The following CUX1 variants were observed in gnomAD, a reference collection of about 807,000 sequenced individuals.
The protein encoded by CUX1 is cut like homeobox 1, also known as protein CASP.
A neutral mutation model predicts 158.8 loss-of-function variants in CUX1; 31 were observed. The observed-to-expected ratio is 0.20, with a 90% CI of 0.15 to 0.26. The LOEUF is 0.26. CUX1 is among the 10% of genes least tolerant of loss of function. CUX1 has a pLI of 1.00. For synonymous variants in CUX1, 879 were observed against 862.1 expected (o/e 1.02, Z -0.34); for missense variants, 1,589 against 2,014.6 (o/e 0.79, Z 4.04).
At chr7:101,960,187 T>C (rs1033880277) in intron 2 of CUX1, 3 of 152,240 alleles carry the variant, frequency 2.0e-5, no homozygotes, top group Non-Finnish European at 2.9e-5. Context: ...TTTTAGCTTT[T>C]GCAGCAAGGT....
chr7:102,197,343 C>T (rs373650818), intron 15 of CUX1, 38 bp downstream of exon 15: 10 of 1,594,850 alleles, frequency 6.3e-6, no homozygotes, highest in Non-Finnish European at 7.7e-6. Context: ...GCGTGCGAGC[C>T]CGTCACAGAG....
chr7:102,279,510 GA>G (rs1791891805), intron 18 of CUX1, among the ~76,000 whole-genome samples: 1 of 152,102 alleles, frequency 6.6e-6, no homozygotes, highest in Non-Finnish European at 1.5e-5. Flanking sequence ...CCCGTGCCAG[GA>G]AACCCTTTCT....
At chr7:102,137,601 A>T (rs141567108) in intron 8 of CUX1, among the ~76,000 whole-genome samples, 15 of 152,230 alleles carry the variant, frequency 9.9e-5, no homozygotes, top group African/African-American at 3.6e-4. Flanking sequence ...GCACCGCTGC[A>T]CTCCAGCCTG....
At chr7:102,131,563 T>TA (rs1369379284) in intron 8 of CUX1, among the ~76,000 whole-genome samples, 6 of 151,820 alleles carry the variant, frequency 4.0e-5, no homozygotes, top group Non-Finnish European at 5.9e-5. Flanking sequence ...ACAGAGTCTT[T>TA]AGTAAATGGT....
chr7:102,006,944 A>C (rs921639649), intron 2 of CUX1, among the ~76,000 whole-genome samples: 1 of 152,164 alleles, frequency 6.6e-6, no homozygotes, highest in Non-Finnish European at 1.5e-5. Flanking sequence ...TTCCCACACA[A>C]AAGTGTATTT....
intron 16 of CUX1, 73 bp from the exon 17 acceptor site, chr7:102,199,998 T>C: frequency 7.7e-7 from 1 of 1,303,038 alleles, no homozygotes; most frequent in Non-Finnish European, 1.1e-6. Context: ...TATATCAGAA[T>C]GACGTCTTCG....
chr7:101,917,195 C>T (rs1303903901), intron 2 of CUX1, among the ~76,000 whole-genome samples: 1 of 152,232 alleles, frequency 6.6e-6, no homozygotes, highest in African/African-American at 2.4e-5. Context: ...AGATGCCCCT[C>T]TCTTACTTAC....
Position 102,193,678 on chromosome 7 carries a change from G to T in CUX1, c.1077-164G>T, listed in dbSNP as rs560033543. 2.0e-5 allele frequency among the ~76,000 whole-genome samples: 3 copies of T among 152,314 alleles called. No homozygotes were observed. In the East Asian group the frequency reaches 5.8e-4, roughly 29 times the overall value. On this transcript the variant is annotated intron_variant, in intron 12 of 23. Transcript: ENST00000292535. ...AAATTAGCTGGGCATGATGGCACATGCCTGTAATCCCAGCTACTCGGGAGG... is the reference window on the plus strand; with the variant it reads ...AAATTAGCTGGGCATGATGGCACATTCCTGTAATCCCAGCTACTCGGGAGG...
intron 2 of CUX1, among the ~76,000 whole-genome samples, chr7:102,022,816 C>T (rs1204153637): frequency 6.6e-6 from 1 of 152,078 alleles, no homozygotes; most frequent in East Asian, 1.9e-4. Flanking sequence ...TTGCTTTTTG[C>T]CCAATAGATG....
intron 6 of CUX1, among the ~76,000 whole-genome samples, chr7:102,109,020 C>T (rs1022851507): frequency 2.6e-5 from 4 of 152,162 alleles, no homozygotes; most frequent in Non-Finnish European, 5.9e-5. Flanking sequence ...TCCCAAACTG[C>T]TGGGATTACA....
At chr7:102,055,176 T>G (rs552040837) in intron 3 of CUX1, among the ~76,000 whole-genome samples, 16 of 152,214 alleles carry the variant, frequency 1.1e-4, no homozygotes, top group Non-Finnish European at 1.8e-4. Context: ...TATTCGTAAG[T>G]ATTTTATACT....
chr7:102,210,128 G>A (rs190893182), intron 20 of CUX1, among the ~76,000 whole-genome samples: 15 of 152,014 alleles, frequency 9.9e-5, no homozygotes, highest in Admixed American at 2.0e-4. Flanking sequence ...ATGGAGTCTC[G>A]TTCTGTCACC....
chr7:102,037,538 G>C (rs1397330107), intron 3 of CUX1, among the ~76,000 whole-genome samples: 1 of 151,430 alleles, frequency 6.6e-6, no homozygotes, highest in Non-Finnish European at 1.5e-5. Flanking sequence ...TTTTAGTAGA[G>C]ACAGGGTTTC....
rs1365212799 is a variant in CUX1 at position 102,250,987 on chromosome 7, T to C, written c.*1945T>C. Reference sequence around the variant, plus strand: ...GTATATATATATATTTTTTTTTGCTTATTTATAGGTGCTGTATTTTATTAT... The same window carrying C: ...GTATATATATATATTTTTTTTTGCTCATTTATAGGTGCTGTATTTTATTAT... On this transcript the variant is annotated 3_prime_UTR_variant, in exon 24 of 24. Coordinates refer to ENST00000292535, the MANE Select transcript of CUX1 (RefSeq NM_181552.4). 2.1e-6 allele frequency: 2 copies of C among 960,466 alleles called. No individual in the cohort carries two copies. Among genetic ancestry groups the C allele is most frequent in the Non-Finnish European group, 2.5e-6 (2 of 807,374 alleles). 59.5% of individuals were successfully genotyped at this position (960,466 alleles called of 1,614,324 possible). A position where few individuals can be genotyped will look rare whatever the true frequency, so the allele number is the denominator to read the frequency against.
chr7:101,907,399 A>T (rs1802877898), intron 1 of CUX1, among the ~76,000 whole-genome samples: 1 of 151,880 alleles, frequency 6.6e-6, no homozygotes, highest in Admixed American at 6.6e-5. Context: ...CCCAGGCTGG[A>T]GTGCAATGGC....
At chr7:101,969,359 C>CAAAAAAAAAAAAAAAAAAAAAAAAAG (rs10711703) in intron 2 of CUX1, among the ~76,000 whole-genome samples, 10 of 56,112 alleles carry the variant, frequency 1.8e-4, no homozygotes, top group African/African-American at 3.7e-4. Flanking sequence ...CAAAAAACAG[C>CAAAAAAAAAAAAAAAAAAAAAAAAAG]AAAAAAAAAA....
chr7:102,245,360 T>C (rs1800695774), intron 23 of CUX1, among the ~76,000 whole-genome samples: 1 of 152,172 alleles, frequency 6.6e-6, no homozygotes, highest in South Asian at 2.1e-4. Context: ...GACAGTTTTA[T>C]AGATATATCA....
chr7:102,278,147 G>T, intron 18 of CUX1: 1 of 1,022,624 alleles, frequency 9.8e-7, no homozygotes, highest in African/African-American at 1.6e-5. Context: ...TGGGAGGGTC[G>T]GGGACCAAGA....
intron 2 of CUX1, among the ~76,000 whole-genome samples, chr7:101,992,215 C>T (rs892104377): frequency 1.3e-5 from 2 of 152,098 alleles, no homozygotes; most frequent in Non-Finnish European, 1.5e-5. Context: ...CCTTAAAGCA[C>T]AGGGGAAAGT....
Sources: gnomAD v4.1 joint callset for allele counts (sites outside exome capture counted in the v4.1 genomes callset) on GRCh38, gnomAD v4.1.1 for gene constraint, MANE v1.5 for transcripts, NCBI Gene and HGNC (gene_info 2026-07-23, HGNC 2026-07-21) for gene names.